CTSC: variants seen among roughly 807,000 people sequenced by gnomAD.
CTSC encodes dipeptidyl peptidase 1.
Under a neutral mutation model 40.9 loss-of-function variants are expected in CTSC, and 37 were observed. The ratio of observed to expected loss-of-function variants is 0.91; its 90% CI spans 0.70 to 1.19. The LOEUF is 1.19. Among genes scored for constraint, CTSC ranks in the 50% most tolerant of loss-of-function variants. CTSC has a pLI of 0.00. For synonymous variants in CTSC, 232 were observed against 207.4 expected, an observed-to-expected ratio of 1.12 and a Z score of -1.02; for missense variants, 594 against 567.3, an observed-to-expected ratio of 1.05 and a Z score of -0.48.
chr11:88,296,068 G>A, intron 6 of CTSC, 65 bp downstream of exon 6: 1 of 1,575,780 alleles, frequency 6.3e-7, no homozygotes, highest in South Asian at 1.1e-5. Context: ...TTTTGCCTTT[G>A]CCAACAACAG....
At position 88,326,555 on chromosome 11, in the gene CTSC, A is replaced by G. The variant is rs188956069; in HGVS notation, c.318+8382T>C. ...AAAAAAAAAAAATACCAGCACTGAT[A>G]TTTGAGATCCTGGTATATTTTTGTA... On this transcript the variant is annotated intron_variant, in intron 2 of 6. Coordinates refer to ENST00000227266, the MANE Select transcript of CTSC (RefSeq NM_001814.6). 197 of 734,552 alleles carry G rather than the reference A, an allele frequency of 2.7e-4. 2 individuals carry two copies. In the African/African-American group the frequency reaches 3.3e-3, roughly 12 times the overall value. The allele number at this position is 734,552 out of a possible 1,614,324, so 45.5% of individuals were successfully genotyped here. A position where few individuals can be genotyped will look rare whatever the true frequency, so the allele number is the denominator to read the frequency against.
chr11:88,331,834 C>T (rs1483779989), intron 2 of CTSC, among the ~76,000 whole-genome samples: 1 of 152,098 alleles, frequency 6.6e-6, no homozygotes, highest in Non-Finnish European at 1.5e-5. Context: ...GATTAGAGTT[C>T]TGCAGTGGGC....
At chr11:88,311,336 G>C (rs16913769) in intron 3 of CTSC, among the ~76,000 whole-genome samples, 2,515 of 152,270 alleles carry the variant, frequency 0.017, 78 homozygotes, top group African/African-American at 0.057. Flanking sequence ...TCTAGATCTT[G>C]CCCAGCACCT....
At chr11:88,309,343 C>T (rs778043084) in intron 3 of CTSC, 25 bp from the exon 4 acceptor site, 1 of 1,586,688 alleles carries the variant, frequency 6.3e-7, no homozygotes, top group South Asian at 1.1e-5. Context: ...GAGATAATTT[C>T]AGATATAGTC....
intron 2 of CTSC, among the ~76,000 whole-genome samples, chr11:88,326,706 G>A (rs535557314): frequency 3.3e-5 from 5 of 152,198 alleles, no homozygotes; most frequent in South Asian, 4.1e-4. Flanking sequence ...TGAAAAAAAC[G>A]AATATGTTTC....
In CTSC at chr11:88,337,625, G is replaced by A. The variant is rs777014407; in HGVS notation, c.48C>T (p.Leu16=). 6.9e-6 allele frequency: 11 copies of A among 1,584,286 alleles called. No individual in the cohort carries two copies. Among genetic ancestry groups the A allele is most frequent in the South Asian group, 1.2e-5 (1 of 86,946 alleles). ...SLLLAALLLL[L]SGDGAVRCDT... ...CGCAGCGCACGGCGCCGTCGCCGGA[G>A]AGAAGCAGCAGGAGGGCGGCGAGCA... Residue 16 remains leucine (L), a synonymous_variant, in exon 1 of 7, where the codon CTC becomes CTT. Transcript: ENST00000227266.
rs1197515579 is a variant in CTSC, at chr11:88,294,304, A to G, written c.1094T>C (p.Val365Ala). ...AGCAACTGCCATGGGCCCATGATGG[A>G]CCAACTCAAGCTTCATCAGGGCTTC... ...CNEALMKLEL[V>A]HHGPMAVAFE... The change falls in exon 7 of 7, where the codon GTC becomes GCC. Residue 365 changes from valine (V) to alanine (A), a missense_variant. Transcript: ENST00000227266. 6.2e-6 allele frequency: 10 copies of G among 1,614,096 alleles called. No homozygotes were observed. The highest frequency in any genetic ancestry group is 8.5e-6 in the Non-Finnish European group (10 of 1,180,008).
intron 4 of CTSC, among the ~76,000 whole-genome samples, chr11:88,306,667 G>A (rs373664378): frequency 9.9e-5 from 15 of 152,146 alleles, no homozygotes; most frequent in African/African-American, 2.4e-4. Context: ...GTCGTCTCGC[G>A]GAGAGCCACC....
intron 2 of CTSC, among the ~76,000 whole-genome samples, chr11:88,332,099 G>A (rs1047298496): frequency 6.6e-6 from 1 of 152,202 alleles, no homozygotes; most frequent in Non-Finnish European, 1.5e-5. Flanking sequence ...CAGTGGAGAG[G>A]CGTGAAAATC....
intron 2 of CTSC, among the ~76,000 whole-genome samples, chr11:88,317,254 A>G (rs539718179): frequency 1.3e-5 from 2 of 152,336 alleles, no homozygotes; most frequent in East Asian, 1.9e-4. Context: ...GGCATGATCC[A>G]CCACGGCCAG....
intron 2 of CTSC, chr11:88,324,851 C>G (rs1252477854): frequency 1.0e-6 from 1 of 985,158 alleles, no homozygotes; most frequent in Non-Finnish European, 1.2e-6. Context: ...ATAAAAGTTT[C>G]CAGGTGGGAG....
At chr11:88,310,555 G>A (rs1211944660) in intron 3 of CTSC, among the ~76,000 whole-genome samples, 3 of 152,140 alleles carry the variant, frequency 2.0e-5, no homozygotes, top group African/African-American at 7.2e-5. Flanking sequence ...TAAATCATGT[G>A]TGTAGAGAGA....
chr11:88,328,468 A>C (rs545499431), intron 2 of CTSC, among the ~76,000 whole-genome samples: 1 of 152,366 alleles, frequency 6.6e-6, no homozygotes, highest in Non-Finnish European at 1.5e-5. Context: ...TGAACCCAGA[A>C]GGCTCAGTGA....
chr11:88,313,679 A>T (rs994116921), intron 2 of CTSC, among the ~76,000 whole-genome samples: 43 of 152,282 alleles, frequency 2.8e-4, no homozygotes, highest in African/African-American at 1.0e-3. Flanking sequence ...ATTTCTGAGG[A>T]GAGACTTGGG....
rs1938536766 is a variant in CTSC at position 88,337,548 on chromosome 11, T to C, written c.125A>G (p.Gln42Arg). 6.3e-7 allele frequency: 1 copy of C among 1,577,586 alleles called. No homozygotes were observed. Among genetic ancestry groups the C allele is most frequent in the Non-Finnish European group, 8.6e-7 (1 of 1,160,734 alleles). The change falls in exon 1 of 7, where the codon CAG becomes CGG. Residue 42 changes from glutamine to arginine, a missense_variant. Gln to Arg is a conservative substitution (Grantham distance 43). Transcript: ENST00000227266. The stretch of plus-strand genomic sequence containing the variant: ...GCGCTGGGAACCGCTGGAGCCCACC[T>C]GGAAGACCCAGGTGCCCAGCAGGTC... ...YLDLLGTWVFQVGSSGSQRDV... is the reference protein window; with the variant it reads ...YLDLLGTWVFRVGSSGSQRDV...
Position 88,293,948 on chromosome 11 carries a change from T to C in CTSC, c.*58A>G. On this transcript the variant is annotated 3_prime_UTR_variant, in exon 7 of 7. Coordinates refer to ENST00000227266, the MANE Select transcript of CTSC (RefSeq NM_001814.6). ...CTGCTGAAAGTCTACAGTCTGTGAA[T>C]ATACCAATTCCCCTTTACAACTGAT... is the stretch of plus-strand genomic sequence containing the variant. 2 of 1,568,960 alleles carry C rather than the reference T, an allele frequency of 1.3e-6. No individual in the cohort carries two copies. The highest frequency in any genetic ancestry group is 8.7e-7 in the Non-Finnish European group (1 of 1,143,936).
At chr11:88,324,325 A>G in intron 2 of CTSC, 1 of 944,388 alleles carries the variant, frequency 1.1e-6, no homozygotes, top group Non-Finnish European at 1.3e-6. Flanking sequence ...TAGGAATGCC[A>G]TTGAATATAT....
chr11:88,294,266 C>G lies in CTSC; in HGVS notation c.1132G>C (p.Asp378His). 6.2e-7 allele frequency: 1 copy of G among 1,614,086 alleles called. No homozygotes were observed. The highest frequency in any genetic ancestry group is 8.5e-7 in the Non-Finnish European group (1 of 1,180,022). Residue 378 changes from aspartate to histidine, a missense_variant, in exon 7 of 7, where the codon GAT becomes CAT. Transcript: ENST00000227266. ...GPMAVAFEVY[D>H]DFLHYKKGIY... ...CCCTTTTTGTAGTGGAGGAAGTCAT[C>G]ATATACTTCAAAAGCAACTGCCATG...
At chr11:88,332,370 T>A (rs756633813) in intron 2 of CTSC, among the ~76,000 whole-genome samples, 26 of 152,214 alleles carry the variant, frequency 1.7e-4, no homozygotes, top group Non-Finnish European at 1.5e-5. Flanking sequence ...ACGCATCCTT[T>A]CAAGCACGGT....
Sources: allele counts gnomAD v4.1 joint callset (sites outside exome capture counted in the v4.1 genomes callset), GRCh38; gene constraint gnomAD v4.1.1; transcripts MANE v1.5; gene names NCBI Gene and HGNC (gene_info 2026-07-23, HGNC 2026-07-21).